The following FAM135A variants were observed in gnomAD, a reference collection of about 807,000 sequenced individuals.
FAM135A encodes family with sequence similarity 135 member A.
In FAM135A, 79 loss-of-function variants were observed where a neutral mutation model predicts 146.8. The ratio of observed to expected loss-of-function variants is 0.54; its 90% CI spans 0.45 to 0.65. The LOEUF (loss-of-function observed/expected upper bound fraction) is 0.65, where lower values mean the gene tolerates loss of function less well. FAM135A is among the 30% of genes least tolerant of loss of function. The pLI is 0.00. For missense variants in FAM135A, 1,623 were observed against 1,758.2 expected (o/e 0.92, Z 1.38); for synonymous variants, 562 against 603.6 (o/e 0.93, Z 1.01).
chr6:70,552,678 C>A (rs926497030), intron 20 of FAM135A, among the ~76,000 whole-genome samples: 17 of 151,944 alleles, frequency 1.1e-4, no homozygotes, highest in African/African-American at 4.1e-4. Context: ...CCATATTGGC[C>A]AGGCTGGTCT....
chr6:70,532,464 T>G (rs1796007895), intron 16 of FAM135A, among the ~76,000 whole-genome samples: 1 of 152,148 alleles, frequency 6.6e-6, no homozygotes, highest in Non-Finnish European at 1.5e-5. Flanking sequence ...CAAAGGAAGG[T>G]CAACAGATTA....
intron 3 of FAM135A, 57 bp from the exon 4 acceptor site, chr6:70,428,247 T>G: frequency 2.6e-6 from 2 of 771,582 alleles, no homozygotes; most frequent in Non-Finnish European, 4.1e-6. Context: ...AATAGCATTT[T>G]TATAAGTTGG....
At chr6:70,447,331 C>T (rs923600899) in intron 4 of FAM135A, among the ~76,000 whole-genome samples, 5 of 152,240 alleles carry the variant, frequency 3.3e-5, no homozygotes, top group Admixed American at 6.5e-5. Flanking sequence ...GCTATTCGCT[C>T]TCCTGGCTCT....
intron 12 of FAM135A, among the ~76,000 whole-genome samples, chr6:70,512,971 G>A (rs1791374608): frequency 6.7e-6 from 1 of 150,346 alleles, no homozygotes; most frequent in Non-Finnish European, 1.5e-5. Context: ...GAGGTGTATG[G>A]GTCAAGATTC....
intron 5 of FAM135A, among the ~76,000 whole-genome samples, chr6:70,471,767 G>T (rs905782963): frequency 1.1e-4 from 16 of 152,220 alleles, no homozygotes; most frequent in African/African-American, 3.4e-4. Context: ...CAGATGGATT[G>T]CAGTCATTGG....
intron 12 of FAM135A, among the ~76,000 whole-genome samples, chr6:70,516,201 C>G (rs1792170658): frequency 6.6e-6 from 1 of 152,136 alleles, no homozygotes; most frequent in South Asian, 2.1e-4. Flanking sequence ...ATTTGAATTT[C>G]TTGGGAACTT....
intron 2 of FAM135A, chr6:70,418,227 A>G (rs1439129975): frequency 2.6e-5 from 4 of 152,224 alleles, no homozygotes; most frequent in Non-Finnish European, 1.5e-5. Context: ...TAAAAGTTGT[A>G]TATGTGAGTG....
At chr6:70,529,004 A>G (rs1001548263) in intron 16 of FAM135A, among the ~76,000 whole-genome samples, 2 of 151,910 alleles carry the variant, frequency 1.3e-5, no homozygotes, top group African/African-American at 4.8e-5. Context: ...ATGTCCCTGC[A>G]AAGGACCTGA....
At chr6:70,463,765 T>C (rs1779871132) in intron 5 of FAM135A, among the ~76,000 whole-genome samples, 1 of 152,200 alleles carries the variant, frequency 6.6e-6, no homozygotes, top group African/African-American at 2.4e-5. Context: ...TCAACAGCCA[T>C]AAATGGAAAA....
chr6:70,455,440 A>G (rs1001820659), intron 5 of FAM135A, among the ~76,000 whole-genome samples: 3 of 152,024 alleles, frequency 2.0e-5, no homozygotes, highest in African/African-American at 4.8e-5. Context: ...ATGTGTGTGT[A>G]TATGTATATA....
intron 2 of FAM135A, among the ~76,000 whole-genome samples, chr6:70,423,968 A>T (rs1435948024): frequency 6.6e-6 from 1 of 152,226 alleles, no homozygotes; most frequent in Admixed American, 6.5e-5. Flanking sequence ...ATAGTGGATC[A>T]GAAACAGGAA....
In FAM135A at chr6:70,502,630, T is replaced by C. The variant is rs752067670; in HGVS notation, c.874-6T>C. ...AATAGTGAAATTTTTTTTCTTTTCA[T>C]TTCAGAAAATAGAGAATCCTGATGA... On this transcript the variant is annotated splice_polypyrimidine_tract_variant and splice_region_variant and intron_variant, in intron 11 of 21. Transcript: ENST00000418814. 21 of 1,600,114 alleles carry C rather than the reference T, an allele frequency of 1.3e-5. No homozygotes were observed. The South Asian group carries it at 2.2e-4, about 16-fold the overall frequency.
chr6:70,460,689 G>A (rs2128094896), intron 5 of FAM135A, among the ~76,000 whole-genome samples: 1 of 152,172 alleles, frequency 6.6e-6, no homozygotes, highest in South Asian at 2.1e-4. Context: ...TCTGAAAACC[G>A]ATAAAACCAT....
rs1582761630 is a variant in FAM135A, at chr6:70,526,344, A to C, written c.3260A>C (p.Glu1087Ala). The C allele has an allele frequency of 6.2e-7, 1 of 1,613,550 alleles. No individual in the cohort carries two copies. The highest frequency in any genetic ancestry group is 2.2e-5 in the East Asian group (1 of 44,856). Residue 1087 changes from glutamate to alanine, a missense_variant, in exon 15 of 22, where the codon GAG becomes GCG. Physicochemically the swap from Glu to Ala is moderately radical, Grantham distance 107. Transcript: ENST00000418814. ...LQQEQDKEDE[E>A]EEQDQQMVQN... ...CAGGAACAGGATAAAGAGGATGAGG[A>C]GGAAGAGCAGGATCAACAAATGGTT...
chr6:70,543,998 C>A (rs144795131), intron 20 of FAM135A, among the ~76,000 whole-genome samples: 1 of 151,662 alleles, frequency 6.6e-6, no homozygotes, highest in East Asian at 1.9e-4. Flanking sequence ...TAAATAAACT[C>A]GTTTCCTTAT....
At chr6:70,420,822 A>G (rs1768651276) in intron 2 of FAM135A, among the ~76,000 whole-genome samples, 1 of 152,106 alleles carries the variant, frequency 6.6e-6, no homozygotes, top group South Asian at 2.1e-4. Flanking sequence ...TCTTTTTTGT[A>G]CTAAGTCTTT....
chr6:70,489,062 G>A (rs2128210995), intron 10 of FAM135A, among the ~76,000 whole-genome samples: 1 of 152,170 alleles, frequency 6.6e-6, no homozygotes, highest in South Asian at 2.1e-4. Context: ...TATGCAGTTA[G>A]GTTCTTCTAT....
chr6:70,475,807 C>A, intron 7 of FAM135A, 74 bp downstream of exon 7: 4 of 1,205,062 alleles, frequency 3.3e-6, no homozygotes, highest in Non-Finnish European at 4.7e-6. Flanking sequence ...TGCCCATTTT[C>A]CTCTTAAAAT....
At chr6:70,454,752 G>C (rs1777938580) in intron 5 of FAM135A, among the ~76,000 whole-genome samples, 1 of 152,072 alleles carries the variant, frequency 6.6e-6, no homozygotes, top group South Asian at 2.1e-4. Flanking sequence ...CCTCTGTTCT[G>C]TTCCATTGGT....
Sources: gnomAD v4.1 joint callset for allele counts (sites outside exome capture counted in the v4.1 genomes callset) on GRCh38, gnomAD v4.1.1 for gene constraint, MANE v1.5 for transcripts, NCBI Gene and HGNC (gene_info 2026-07-23, HGNC 2026-07-21) for gene names.